The following BRINP1 variants were observed in gnomAD, a reference collection of about 807,000 sequenced individuals.
BRINP1 encodes BMP/retinoic acid-inducible neural-specific protein 1.
Under a neutral mutation model 72.9 loss-of-function variants are expected in BRINP1, and 17 were observed. That is an observed-to-expected ratio of 0.23 (90% CI 0.16 to 0.35). BRINP1 has a LOEUF of 0.35. Ranked by LOEUF, BRINP1 falls within the 10% of genes least tolerant of loss-of-function variation. The probability of loss-of-function intolerance (pLI) is 1.00; values close to 1 mark genes in which losing one functional copy is unlikely to be tolerated. For synonymous variants in BRINP1, 418 were observed against 378.5 expected (o/e 1.10, Z -1.21); for missense variants, 850 against 1,001.6 (o/e 0.85, Z 2.04).
chr9:119,205,312 C>G (rs1378411535), intron 7 of BRINP1, among the ~76,000 whole-genome samples: 5 of 152,086 alleles, frequency 3.3e-5, no homozygotes, highest in Non-Finnish European at 7.4e-5. Context: ...AATTGAGTGA[C>G]CTGCTAATGG....
At chr9:119,247,401 C>G (rs1310572904) in intron 3 of BRINP1, among the ~76,000 whole-genome samples, 1 of 151,906 alleles carries the variant, frequency 6.6e-6, no homozygotes, top group African/African-American at 2.4e-5. Context: ...ACCTGTAATC[C>G]CAACACTCTG....
intron 2 of BRINP1, among the ~76,000 whole-genome samples, chr9:119,301,267 C>G (rs1830935668): frequency 6.6e-6 from 1 of 152,132 alleles, no homozygotes; most frequent in Admixed American, 6.5e-5. Flanking sequence ...AAAATGTTCC[C>G]CTTCTCTTTT....
At chr9:119,275,448 A>C (rs1016910735) in intron 2 of BRINP1, among the ~76,000 whole-genome samples, 1 of 152,216 alleles carries the variant, frequency 6.6e-6, no homozygotes, top group African/African-American at 2.4e-5. Context: ...GTAGATGCTC[A>C]TAAAATGTGT....
chr9:119,169,455 T>C (rs1377883668), intron 7 of BRINP1, among the ~76,000 whole-genome samples: 2 of 152,216 alleles, frequency 1.3e-5, no homozygotes, highest in Non-Finnish European at 2.9e-5. Context: ...CGAGATTATA[T>C]TACCGCACCT....
rs183314381 is a variant in BRINP1 at position 119,266,329 on chromosome 9, C to T, written c.219-17179G>A. Among the ~76,000 whole-genome samples, 173 of 152,192 alleles carry T rather than the reference C, an allele frequency of 1.1e-3. 1 individual carries two copies. Among genetic ancestry groups the T allele is most frequent in the Admixed American group, 5.2e-3 (80 of 15,284 alleles). ...AGGTAGAGAGAGGGAGCAGAGGCCA[C>T]ATGAAGGAGGTCCTGGTACACCACG... On this transcript the variant is annotated intron_variant, in intron 2 of 7. Transcript: ENST00000265922.
At chr9:119,267,135 G>A (rs1588184054) in intron 2 of BRINP1, among the ~76,000 whole-genome samples, 1 of 152,154 alleles carries the variant, frequency 6.6e-6, no homozygotes, top group East Asian at 1.9e-4. Context: ...CACATTTATG[G>A]CATAAAATAT....
intron 5 of BRINP1, among the ~76,000 whole-genome samples, chr9:119,232,009 C>T (rs182478543): frequency 2.6e-5 from 4 of 152,202 alleles, no homozygotes; most frequent in African/African-American, 4.8e-5. Context: ...ATTTGGATAT[C>T]GAATAGATTT....
chr9:119,286,314 C>T (rs1483707405), intron 2 of BRINP1, among the ~76,000 whole-genome samples: 1 of 151,602 alleles, frequency 6.6e-6, no homozygotes, highest in African/African-American at 2.4e-5. Context: ...CTCACTGCAA[C>T]CTCTACCTCC....
chr9:119,228,132 C>G (rs920181748), intron 5 of BRINP1, among the ~76,000 whole-genome samples: 2 of 151,836 alleles, frequency 1.3e-5, no homozygotes, highest in Non-Finnish European at 2.9e-5. Flanking sequence ...TCCCTCTACC[C>G]CCTTCTTCAC....
At chr9:119,310,171 AAAG>A (rs764519329) in intron 2 of BRINP1, among the ~76,000 whole-genome samples, 18 of 152,182 alleles carry the variant, frequency 1.2e-4, no homozygotes, top group Admixed American at 9.8e-4. Flanking sequence ...CCAAAGGTTC[AAAG>A]AAGTTCTGTT....
intron 1 of BRINP1, among the ~76,000 whole-genome samples, chr9:119,353,693 A>G (rs1417823981): frequency 1.3e-5 from 2 of 152,044 alleles, no homozygotes; most frequent in African/African-American, 4.8e-5. Context: ...AGTATCCAAT[A>G]ATTGAGGGCC....
intron 1 of BRINP1, among the ~76,000 whole-genome samples, chr9:119,340,292 T>C (rs1451993708): frequency 6.6e-6 from 1 of 152,184 alleles, no homozygotes; most frequent in Admixed American, 6.5e-5. Context: ...TGGGATGAGC[T>C]AATTGATCTG....
At chr9:119,319,395 A>G (rs1831161582) in intron 1 of BRINP1, among the ~76,000 whole-genome samples, 1 of 152,234 alleles carries the variant, frequency 6.6e-6, no homozygotes, top group South Asian at 2.1e-4. Context: ...TAATCCGCAG[A>G]GCACCAGAAA....
chr9:119,169,916 G>C (rs1026671400), intron 7 of BRINP1, among the ~76,000 whole-genome samples: 1 of 152,046 alleles, frequency 6.6e-6, no homozygotes, highest in African/African-American at 2.4e-5. Flanking sequence ...TTGCAGCTGA[G>C]GGTCCTATCT....
intron 5 of BRINP1, among the ~76,000 whole-genome samples, chr9:119,217,520 TC>T (rs778442985): frequency 1.3e-5 from 2 of 152,162 alleles, no homozygotes; most frequent in Non-Finnish European, 2.9e-5. Context: ...TTTCTCCCAA[TC>T]TTTTTATATA....
chr9:119,365,940 T>A (rs192662931), intron 1 of BRINP1, among the ~76,000 whole-genome samples: 1 of 152,234 alleles, frequency 6.6e-6, no homozygotes, highest in East Asian at 1.9e-4. Flanking sequence ...TTTTTCAGTA[T>A]CTGCCTGCAC....
chr9:119,261,460 C>T (rs1189712359), intron 2 of BRINP1, among the ~76,000 whole-genome samples: 1 of 152,140 alleles, frequency 6.6e-6, no homozygotes, highest in Non-Finnish European at 1.5e-5. Flanking sequence ...TTGGACAGTA[C>T]TCCAAAACAC....
At chr9:119,232,332 C>T (rs1830156161) in intron 5 of BRINP1, among the ~76,000 whole-genome samples, 1 of 152,184 alleles carries the variant, frequency 6.6e-6, no homozygotes, top group South Asian at 2.1e-4. Context: ...CAACTGATAT[C>T]CTACAACTGT....
rs1480357974 is a variant in BRINP1, at chr9:119,166,901, G to T, written c.*183C>A. The T allele has an allele frequency of 1.6e-6, 1 of 642,562 alleles. No homozygotes were observed. The highest frequency in any genetic ancestry group is 1.8e-5 in the African/African-American group (1 of 54,542). The allele number at this position is 642,562 out of a possible 1,614,324, so 39.8% of individuals were successfully genotyped here. A position where few individuals can be genotyped will look rare whatever the true frequency, so the allele number is the denominator to read the frequency against. ...GAGTGAGTATAGAAATAACAAACAT[G>T]CCCAACGCTTTTATACAGTTGCTAG... On this transcript the variant is annotated 3_prime_UTR_variant, in exon 8 of 8. Coordinates refer to ENST00000265922, the MANE Select transcript of BRINP1 (RefSeq NM_014618.3).
Sources: gnomAD v4.1 joint callset for allele counts (sites outside exome capture counted in the v4.1 genomes callset) on GRCh38, gnomAD v4.1.1 for gene constraint, MANE v1.5 for transcripts, NCBI Gene and HGNC (gene_info 2026-07-23, HGNC 2026-07-21) for gene names.